The following ABCA1 variants were observed in gnomAD, a reference collection of about 807,000 sequenced individuals.
ABCA1 encodes the protein phospholipid-transporting ATPase ABCA1.
A neutral mutation model predicts 262.5 loss-of-function variants in ABCA1; 133 were observed. The observed-to-expected ratio is 0.51, with a 90% confidence interval of 0.44 to 0.59. The LOEUF (loss-of-function observed/expected upper bound fraction) is 0.59. ABCA1 is among the 20% of genes least tolerant of loss of function. The pLI, the probability that ABCA1 is intolerant of heterozygous loss-of-function variation, is 0.00. For missense variants in ABCA1, 2,452 were observed against 2,777.5 expected (o/e 0.88, Z 2.63); for synonymous variants, 1,022 against 1,043.5 (o/e 0.98, Z 0.40).
Position 104,798,438 on chromosome 9 carries a change from T to G in ABCA1, c.5104A>C (p.Asn1702His). The G allele has an allele frequency of 6.2e-7, 1 of 1,614,148 alleles. No individual in the cohort carries two copies. Among genetic ancestry groups the G allele is most frequent in the South Asian group, 1.1e-5 (1 of 91,076 alleles). ...GVKPVIYWLS[N>H]FVWDMCNYVV... ...GTCCTTACCATATCCCAGACAAAAT[T>G]AGAGAGCCAGTAGATGACAGGCTTC... Residue 1702 changes from asparagine to histidine, a missense_variant, in exon 37 of 50, where the codon AAT becomes CAT. Transcript: ENST00000374736.
Position 104,812,742 on chromosome 9 carries a change from A to G in ABCA1, c.3902-20T>C. 1 of 1,614,150 alleles carries G rather than the reference A, an allele frequency of 6.2e-7. No individual in the cohort carries two copies. The highest frequency in any genetic ancestry group is 8.5e-7 in the Non-Finnish European group (1 of 1,180,004). On this transcript the variant is annotated intron_variant, in intron 27 of 49. Coordinates refer to ENST00000374736, the MANE Select transcript of ABCA1 (RefSeq NM_005502.4). Reference sequence around the variant, plus strand: ...TGGATTCTGCAAGAAGCCAACACTGAAGGTCACCTATTATCTTAGGTGTTT... The same window carrying G: ...TGGATTCTGCAAGAAGCCAACACTGGAGGTCACCTATTATCTTAGGTGTTT...
At position 104,782,301 on chromosome 9, in the gene ABCA1, A is replaced by T. The variant is rs1029484287; in HGVS notation, c.*2014T>A. ...AAATCAATATTGACTTTAACTTCTA[A>T]AACAATCATTTTTTTCTTTTTCAGC... On this transcript the variant is annotated 3_prime_UTR_variant, in exon 50 of 50. Transcript: ENST00000374736. 2.0e-5 allele frequency: 3 copies of T among 152,124 alleles called. No homozygotes were observed. The highest frequency in any genetic ancestry group is 4.4e-5 in the Non-Finnish European group (3 of 67,968). 9.4% of individuals were successfully genotyped at this position (152,124 alleles called of 1,614,324 possible).
chr9:104,884,404 A>G (rs746421918), intron 4 of ABCA1, 23 bp downstream of exon 4: 1 of 1,614,180 alleles, frequency 6.2e-7, no homozygotes, highest in Non-Finnish European at 8.5e-7. Flanking sequence ...AAGTTTGGAA[A>G]GAAAACCTGA....
intron 1 of ABCA1, among the ~76,000 whole-genome samples, 159 bp from the exon 2 acceptor site, chr9:104,903,930 T>A (rs997488124): frequency 2.6e-5 from 4 of 152,230 alleles, no homozygotes; most frequent in African/African-American, 9.6e-5. Flanking sequence ...GCTCCCAGCC[T>A]CTGGGTTCAC....
chr9:104,816,245 A>G lies in ABCA1; in HGVS notation c.3636T>C (p.Ala1212=), dbSNP rs1588283609. ...HELTYVLPYE[A]AKEGAFVELF... Reference sequence around the variant, plus strand: ...GTTCCACAAAGGCTCCCTCCTTAGCAGCTTCATATGGCAGCACATAGGTCA... The same window carrying G: ...GTTCCACAAAGGCTCCCTCCTTAGCGGCTTCATATGGCAGCACATAGGTCA... The change falls in exon 25 of 50, where the codon GCT becomes GCC. Residue 1212 remains alanine (A), a synonymous_variant. Transcript: ENST00000374736. 1.2e-6 allele frequency: 2 copies of G among 1,614,174 alleles called. No homozygotes were observed. Among genetic ancestry groups the G allele is most frequent in the East Asian group, 4.5e-5 (2 of 44,858 alleles).
At chr9:104,894,912 C>T (rs1232248135) in intron 2 of ABCA1, among the ~76,000 whole-genome samples, 1 of 152,218 alleles carries the variant, frequency 6.6e-6, no homozygotes, top group Non-Finnish European at 1.5e-5. Flanking sequence ...ACTCACCTTC[C>T]AAACCCAGGG....
chr9:104,851,075 C>T (rs1835334727), intron 7 of ABCA1, among the ~76,000 whole-genome samples: 1 of 152,176 alleles, frequency 6.6e-6, no homozygotes, highest in South Asian at 2.1e-4. Flanking sequence ...GTGTTAATCA[C>T]AACATACCAT....
chr9:104,858,519 C>T lies in ABCA1; in HGVS notation c.720+3G>A, dbSNP rs1357099273. On this transcript the variant is annotated splice_donor_region_variant and intron_variant, in intron 7 of 49. Coordinates refer to ENST00000374736, the MANE Select transcript of ABCA1 (RefSeq NM_005502.4). The stretch of plus-strand genomic sequence containing the variant: ...AGTTTCTCCAGTGAGCAAGTCTACT[C>T]ACCAGGATTGGCTTCAGGATGTCCA... 3.1e-6 allele frequency: 5 copies of T among 1,613,474 alleles called. No homozygotes were observed. Among genetic ancestry groups the T allele is most frequent in the Non-Finnish European group, 4.2e-6 (5 of 1,180,020 alleles).
rs1826483867 is a variant in ABCA1, at chr9:104,927,917, C to T, written c.-93+18G>A. On this transcript the variant is annotated intron_variant, in intron 1 of 49. Transcript: ENST00000374736. ...ACAAAACAATAACGCCCAAGTAAGT[C>T]ACTGGAGAGCCTCTTACCTGTTTTC... 1 of 152,320 alleles carries T rather than the reference C, an allele frequency of 6.6e-6. No individual in the cohort carries two copies. The highest frequency in any genetic ancestry group is 2.4e-5 in the African/African-American group (1 of 41,472). 9.4% of individuals were successfully genotyped at this position (152,320 alleles called of 1,614,324 possible). A position where few individuals can be genotyped will look rare whatever the true frequency, so the allele number is the denominator to read the frequency against.
chr9:104,911,104 G>A (rs759028802), intron 1 of ABCA1, among the ~76,000 whole-genome samples: 59 of 152,194 alleles, frequency 3.9e-4, no homozygotes, highest in Non-Finnish European at 8.2e-4. Context: ...TGTTCTAGAT[G>A]TCTTATATCA....
At chr9:104,862,641 G>GCCCCCCACC (rs1564197815) in intron 5 of ABCA1, among the ~76,000 whole-genome samples, 22 of 2,008 alleles carry the variant, frequency 0.011, 1 homozygote, top group East Asian at 0.031. Context: ...TGCCGGGCCG[G>GCCCCCCACC]GCCGGGCCGG....
chr9:104,831,510 G>T, intron 13 of ABCA1, 112 bp downstream of exon 13: 3 of 900,996 alleles, frequency 3.3e-6, no homozygotes, highest in Non-Finnish European at 3.3e-6. Context: ...TTTTTTTGTT[G>T]TTGTTGAAAT....
chr9:104,788,421 A>G lies in ABCA1; in HGVS notation c.6069+5T>C, dbSNP rs761248942. 5.0e-6 allele frequency: 8 copies of G among 1,614,124 alleles called. No homozygotes were observed. Among genetic ancestry groups the G allele is most frequent in the South Asian group, 4.4e-5 (4 of 91,086 alleles). On this transcript the variant is annotated splice_donor_5th_base_variant and intron_variant, in intron 45 of 49. Transcript: ENST00000374736. ...GACAGGCTGGCTTTCAGGTGCCCAC[A>G]GTACCTTGCCAACTTCTTTCTCTGG... is the stretch of plus-strand genomic sequence containing the variant.
intron 37 of ABCA1, 118 bp downstream of exon 37, chr9:104,798,303 T>C: frequency 8.0e-7 from 1 of 1,245,070 alleles, no homozygotes; most frequent in South Asian, 1.3e-5. Context: ...TTCTTTTTCA[T>C]ACATCTTTAG....
At chr9:104,871,705 A>G (rs1451307222) in intron 5 of ABCA1, among the ~76,000 whole-genome samples, 1 of 152,186 alleles carries the variant, frequency 6.6e-6, no homozygotes, top group Non-Finnish European at 1.5e-5. Flanking sequence ...ATGAGAGAGG[A>G]CAGCTGGAAG....
chr9:104,916,830 C>A (rs916879868), intron 1 of ABCA1, among the ~76,000 whole-genome samples: 6 of 152,130 alleles, frequency 3.9e-5, no homozygotes, highest in African/African-American at 1.4e-4. Context: ...CAGGTGTGAG[C>A]CACCGTGCCC....
chr9:104,832,511 T>C (rs1361580030), intron 12 of ABCA1, 63 bp downstream of exon 12: 27 of 1,569,204 alleles, frequency 1.7e-5, no homozygotes, highest in Admixed American at 6.7e-5. Flanking sequence ...CTGAACCTTA[T>C]TGTAACGTCT....
At chr9:104,922,662 T>C (rs73664384) in intron 1 of ABCA1, among the ~76,000 whole-genome samples, 16,890 of 152,196 alleles carry the variant, frequency 0.11, 1,649 homozygotes, top group African/African-American at 0.27. Context: ...TTCTAATTCA[T>C]TACACCAATT....
At chr9:104,832,231 T>C (rs1024248348) in intron 12 of ABCA1, among the ~76,000 whole-genome samples, 4 of 152,200 alleles carry the variant, frequency 2.6e-5, no homozygotes, top group African/African-American at 7.2e-5. Flanking sequence ...AATTCGATTT[T>C]AGATAAGTTT....
Sources: gnomAD v4.1 joint callset for allele counts (sites outside exome capture counted in the v4.1 genomes callset) on GRCh38, gnomAD v4.1.1 for gene constraint, MANE v1.5 for transcripts, NCBI Gene and HGNC (gene_info 2026-07-23, HGNC 2026-07-21) for gene names.